The following CADM1 variants were observed in gnomAD, a reference collection of about 807,000 sequenced individuals.
The protein encoded by CADM1 is cell adhesion molecule 1, also known as TSLC-1.
In CADM1, 15 loss-of-function variants were observed where a neutral mutation model predicts 53.1. That is an observed-to-expected ratio of 0.28 (90% CI 0.19 to 0.44). The LOEUF is 0.44. CADM1 is among the 20% of genes least tolerant of loss of function. The pLI is 1.00. For synonymous variants in CADM1, 281 were observed against 243.0 expected (o/e 1.16, Z -1.45); for missense variants, 434 against 611.3 (o/e 0.71, Z 3.06).
intron 1 of CADM1, among the ~76,000 whole-genome samples, chr11:115,257,345 T>C (rs1942823807): frequency 6.6e-6 from 1 of 152,164 alleles, no homozygotes; most frequent in Non-Finnish European, 1.5e-5. Flanking sequence ...GAAGGAACTA[T>C]ATATTCTGGG....
At chr11:115,220,190 A>G (rs1302809243) in intron 5 of CADM1, among the ~76,000 whole-genome samples, 1 of 152,128 alleles carries the variant, frequency 6.6e-6, no homozygotes, top group Non-Finnish European at 1.5e-5. Flanking sequence ...GTAATTTACA[A>G]GCAAACAGAG....
chr11:115,238,229 T>C (rs1228006509), intron 3 of CADM1, among the ~76,000 whole-genome samples: 1 of 152,136 alleles, frequency 6.6e-6, no homozygotes, highest in Non-Finnish European at 1.5e-5. Flanking sequence ...ATGTGGTGAG[T>C]GATTCATTTG....
chr11:115,177,511 T>C (rs549806972), intron 11 of CADM1, among the ~76,000 whole-genome samples: 2 of 152,294 alleles, frequency 1.3e-5, no homozygotes, highest in East Asian at 3.9e-4. Context: ...ATTTGCTATA[T>C]TTTCAGGTTT....
chr11:115,348,336 T>C (rs1247179237), intron 1 of CADM1, among the ~76,000 whole-genome samples: 1 of 152,222 alleles, frequency 6.6e-6, no homozygotes, highest in Non-Finnish European at 1.5e-5. Context: ...TCAAATTTAA[T>C]AGTAATTTCT....
At chr11:115,179,267 T>C (rs1461543106) in intron 10 of CADM1, among the ~76,000 whole-genome samples, 4 of 152,166 alleles carry the variant, frequency 2.6e-5, no homozygotes, top group Admixed American at 6.5e-5. Flanking sequence ...CACAGTTGCC[T>C]AGAGATAAAA....
At chr11:115,229,397 G>T in intron 4 of CADM1, 126 bp from the exon 5 acceptor site, 1 of 843,462 alleles carries the variant, frequency 1.2e-6, no homozygotes, top group Non-Finnish European at 2.0e-6. Context: ...GCAGTTACTT[G>T]GGATGAGAGT....
rs569915853 is a variant in CADM1, at chr11:115,266,729, A to G, written c.125-26309T>C. ...CAGTAAGCTCTTTCAAACCCAAGAT[A>G]TCTATATTTCTAAATGGAATCTGAG... On this transcript the variant is annotated intron_variant, in intron 1 of 11. Transcript: ENST00000331581. Among the ~76,000 whole-genome samples the G allele has an allele frequency of 4.6e-5, 7 of 152,340 alleles. No individual in the cohort carries two copies. In the South Asian group the frequency reaches 1.2e-3, roughly 27 times the overall value.
intron 1 of CADM1, among the ~76,000 whole-genome samples, chr11:115,261,784 A>AT (rs113933840): frequency 0.019 from 2,743 of 143,564 alleles, 66 homozygotes; most frequent in African/African-American, 0.05. Context: ...CTCCAATAAG[A>AT]TTTTTTTTTT....
At chr11:115,307,791 A>G (rs1281226540) in intron 1 of CADM1, among the ~76,000 whole-genome samples, 1 of 151,852 alleles carries the variant, frequency 6.6e-6, no homozygotes, top group African/African-American at 2.4e-5. Context: ...TTATTCCAAC[A>G]TTACTGTCAT....
chr11:115,317,711 G>A (rs893201283), intron 1 of CADM1, among the ~76,000 whole-genome samples: 1 of 152,182 alleles, frequency 6.6e-6, no homozygotes, highest in South Asian at 2.1e-4. Flanking sequence ...CATCTGGCAT[G>A]AAGCTGCAAG....
intron 1 of CADM1, among the ~76,000 whole-genome samples, chr11:115,464,904 T>C (rs1276479477): frequency 6.6e-6 from 1 of 152,106 alleles, no homozygotes; most frequent in Non-Finnish European, 1.5e-5. Context: ...CCTTTATCGA[T>C]CTCCTAATCT....
intron 1 of CADM1, among the ~76,000 whole-genome samples, chr11:115,433,981 T>C (rs1189605768): frequency 6.6e-6 from 1 of 152,192 alleles, no homozygotes; most frequent in African/African-American, 2.4e-5. Flanking sequence ...TGCCAGCACT[T>C]CAAATAAGTA....
At chr11:115,324,749 T>C (rs1944917133) in intron 1 of CADM1, among the ~76,000 whole-genome samples, 1 of 152,176 alleles carries the variant, frequency 6.6e-6, no homozygotes, top group Non-Finnish European at 1.5e-5. Flanking sequence ...GAGTGGGTTA[T>C]TGTGCTTCCT....
intron 1 of CADM1, among the ~76,000 whole-genome samples, chr11:115,261,234 AATT>A (rs2135017101): frequency 6.6e-6 from 1 of 152,280 alleles, no homozygotes; most frequent in Non-Finnish European, 1.5e-5. Context: ...GCTAACATGA[AATT>A]ATTATTTAGC....
intron 1 of CADM1, among the ~76,000 whole-genome samples, chr11:115,365,904 C>G (rs888487539): frequency 4.6e-5 from 7 of 152,150 alleles, no homozygotes; most frequent in Admixed American, 1.3e-4. Context: ...AGATTTTACC[C>G]AAGTGTCCCA....
intron 1 of CADM1, among the ~76,000 whole-genome samples, chr11:115,409,936 A>G (rs1419892894): frequency 1.3e-5 from 2 of 152,304 alleles, no homozygotes; most frequent in East Asian, 3.9e-4. Flanking sequence ...ATGCATCCCA[A>G]TGCTTTCAGA....
At chr11:115,261,875 G>A (rs1457396971) in intron 1 of CADM1, among the ~76,000 whole-genome samples, 1 of 151,800 alleles carries the variant, frequency 6.6e-6, no homozygotes, top group African/African-American at 2.4e-5. Context: ...CACCTCCTGG[G>A]TTCAAGCAAT....
At chr11:115,289,103 G>A (rs1943807491) in intron 1 of CADM1, among the ~76,000 whole-genome samples, 1 of 152,192 alleles carries the variant, frequency 6.6e-6, no homozygotes, top group Non-Finnish European at 1.5e-5. Context: ...GGTGGCTCAC[G>A]CCTATAATCC....
At chr11:115,462,886 T>C (rs895786598) in intron 1 of CADM1, among the ~76,000 whole-genome samples, 2 of 151,228 alleles carry the variant, frequency 1.3e-5, no homozygotes, top group South Asian at 2.1e-4. Flanking sequence ...GGATCAAGAA[T>C]AGAAAGGGGA....
Sources: allele counts gnomAD v4.1 joint callset (sites outside exome capture counted in the v4.1 genomes callset), GRCh38; gene constraint gnomAD v4.1.1; transcripts MANE v1.5; gene names NCBI Gene and HGNC (gene_info 2026-07-23, HGNC 2026-07-21).